Variants in FBXW10 observed in about 807,000 individuals in gnomAD.
The protein encoded by FBXW10 is F-box/WD repeat-containing protein 10.
Under a neutral mutation model 113.1 loss-of-function variants are expected in FBXW10, and 68 were observed. The ratio of observed to expected loss-of-function variants is 0.60; its 90% CI spans 0.49 to 0.74. FBXW10 has a LOEUF of 0.74. Among genes scored for constraint, FBXW10 ranks in the 30% least tolerant of loss-of-function variants. The pLI, the probability that FBXW10 is intolerant of heterozygous loss-of-function variation, is 0.00. For missense variants in FBXW10, 753 were observed against 1,284.5 expected (o/e 0.59, Z 6.32); for synonymous variants, 289 against 481.6 (o/e 0.60, Z 5.24).
rs9895749 is a variant in FBXW10, at chr17:18,749,757, G to A, written c.706G>A (p.Glu236Lys). 0.38 allele frequency: 615,227 copies of A among 1,606,548 alleles called. 81,113 individuals are homozygous for A. The highest frequency in any genetic ancestry group is 0.4 in the Non-Finnish European group (474,508 of 1,175,956). ...GAGGAATTCACTCCGGTGTATATCC[G>A]AAATGAATAGGCTGTTTTCTGGAAA... ...PWRNSLRCISEMNRLFSGKGD... is the reference protein window; with the variant it reads ...PWRNSLRCISKMNRLFSGKGD... The change falls in exon 3 of 14, where the codon GAA becomes AAA. Residue 236 changes from glutamate (E) to lysine (K), a missense_variant. By Grantham distance (56) the Glu-to-Lys change is moderately conservative (BLOSUM62 1). Transcript: ENST00000395665.
chr17:18,761,545 A>G (rs565784384), intron 7 of FBXW10, among the ~76,000 whole-genome samples: 117 of 152,276 alleles, frequency 7.7e-4, no homozygotes, highest in Non-Finnish European at 1.4e-3. Flanking sequence ...GATTACAGGC[A>G]TGAGCCACCG....
chr17:18,764,125 TA>T (rs2035439573), intron 7 of FBXW10, among the ~76,000 whole-genome samples: 1 of 145,024 alleles, frequency 6.9e-6, no homozygotes, highest in Non-Finnish European at 1.5e-5. Flanking sequence ...CCTATGGGGG[TA>T]GAAGTTACCC....
chr17:18,767,160 T>C (rs1460439908), intron 9 of FBXW10, among the ~76,000 whole-genome samples: 1 of 151,916 alleles, frequency 6.6e-6, no homozygotes, highest in Non-Finnish European at 1.5e-5. Flanking sequence ...GTGAAGTACC[T>C]TTTTCTCCTC....
At chr17:18,746,919 CTTTT>C (rs1166761219) in intron 1 of FBXW10, among the ~76,000 whole-genome samples, 1 of 129,140 alleles carries the variant, frequency 7.7e-6, no homozygotes, top group Non-Finnish European at 1.7e-5. Context: ...TGGCAACCTT[CTTTT>C]TTTTTTTTTT....
intron 2 of FBXW10, among the ~76,000 whole-genome samples, chr17:18,748,676 A>G (rs1689973340): frequency 6.6e-6 from 1 of 152,170 alleles, no homozygotes; most frequent in South Asian, 2.1e-4. Flanking sequence ...TGCAGTGCCC[A>G]CAAGACACAT....
intron 11 of FBXW10, among the ~76,000 whole-genome samples, chr17:18,771,105 TA>T (rs370339129): frequency 4.4e-4 from 61 of 138,790 alleles, no homozygotes; most frequent in Admixed American, 4.4e-4. Flanking sequence ...GTCATGCTGC[TA>T]AAAAAAAAAA....
In FBXW10 at chr17:18,768,557, C is replaced by T. The variant is rs577202082; in HGVS notation, c.1728C>T (p.Ala576=). Residue 576 remains alanine (A), a synonymous_variant, in exon 10 of 14, where the codon GCC becomes GCT. Transcript: ENST00000395665. ...LVKTLSGHEG[A]VKCLFFDQWH... ...AGACTCTCAGTGGCCATGAGGGAGC[C>T]GTGAAATGCCTGTTCTTTGACCAGT... The T allele has an allele frequency of 1.8e-5, 29 of 1,614,040 alleles. No individual in the cohort carries two copies. In the East Asian group the frequency reaches 2.7e-4, roughly 15 times the overall value.
chr17:18,749,374 T>A (rs2035108900), intron 2 of FBXW10, among the ~76,000 whole-genome samples: 1 of 147,764 alleles, frequency 6.8e-6, no homozygotes, highest in Non-Finnish European at 1.5e-5. Context: ...CCGCCTCTAC[T>A]AAAAAAAAAA....
chr17:18,763,714 C>A (rs2035432194), intron 7 of FBXW10, among the ~76,000 whole-genome samples: 2 of 152,200 alleles, frequency 1.3e-5, no homozygotes, highest in African/African-American at 4.8e-5. Context: ...TCTTTGCTCC[C>A]ATCTATCTCT....
Position 18,766,856 on chromosome 17 carries a change from G to C in FBXW10, c.1698G>C (p.Leu566Phe), listed in dbSNP as rs368262323. The change falls in exon 9 of 14, where the codon TTG (leucine) becomes TTC (phenylalanine). Residue 566 changes from leucine (L) to phenylalanine (F), a missense_variant. By Grantham distance (22) the Leu-to-Phe change is conservative. Coordinates refer to ENST00000395665, the MANE Select transcript of FBXW10 (RefSeq NM_001267585.2). ...TGTGGCACATTGCCATGGCCCAGTT[G>C]GTAAAGGTAAGTGGGCAGTGGGCTA... ...VKVWHIAMAQ[L>F]VKTLSGHEGA... 6.6e-5 allele frequency: 105 copies of C among 1,594,554 alleles called. No individual in the cohort carries two copies. The highest frequency in any genetic ancestry group is 1.3e-5 in the African/African-American group (1 of 74,650).
At chr17:18,777,635 C>T (rs2035727129) in intron 13 of FBXW10, among the ~76,000 whole-genome samples, 1 of 151,674 alleles carries the variant, frequency 6.6e-6, no homozygotes, top group Admixed American at 6.6e-5. Flanking sequence ...GCTCTGCCTC[C>T]TGGGTTCATG....
intron 13 of FBXW10, among the ~76,000 whole-genome samples, chr17:18,776,854 T>C (rs2035708476): frequency 6.6e-6 from 1 of 152,102 alleles, no homozygotes. Flanking sequence ...AAATCTATTG[T>C]ATGGAATATT....
intron 1 of FBXW10, among the ~76,000 whole-genome samples, chr17:18,746,909 T>C: frequency 6.6e-6 from 1 of 150,514 alleles, no homozygotes; most frequent in Non-Finnish European, 1.5e-5. Context: ...TTACAGGTTG[T>C]GGCAACCTTC....
intron 13 of FBXW10, among the ~76,000 whole-genome samples, chr17:18,776,578 A>G (rs1049382250): frequency 2.4e-4 from 36 of 152,350 alleles, no homozygotes; most frequent in African/African-American, 7.9e-4. Flanking sequence ...CCTGAAGGGT[A>G]AAGTCCTACG....
intron 4 of FBXW10, among the ~76,000 whole-genome samples, 187 bp downstream of exon 4, chr17:18,750,324 T>C (rs1345610732): frequency 6.6e-6 from 1 of 152,158 alleles, no homozygotes; most frequent in Non-Finnish European, 1.5e-5. Context: ...ACTCTTTCAT[T>C]GTCAGTGCAT....
chr17:18,767,068 C>T (rs1024203575), intron 9 of FBXW10, among the ~76,000 whole-genome samples: 10 of 152,158 alleles, frequency 6.6e-5, no homozygotes, highest in South Asian at 2.1e-4. Flanking sequence ...TCATGACCCA[C>T]GGTATCATGG....
At chr17:18,768,345 C>T (rs1276253404) in intron 9 of FBXW10, among the ~76,000 whole-genome samples, 189 bp from the exon 10 acceptor site, 1 of 152,160 alleles carries the variant, frequency 6.6e-6, no homozygotes, top group African/African-American at 2.4e-5. Flanking sequence ...GGATTACAGG[C>T]ATGAGCCACC....
intron 13 of FBXW10, among the ~76,000 whole-genome samples, chr17:18,776,212 C>G (rs1049331294): frequency 6.6e-6 from 1 of 151,648 alleles, no homozygotes; most frequent in Non-Finnish European, 1.5e-5. Context: ...TCCCAGCTAC[C>G]TGGGAGGCTG....
chr17:18,773,968 A>T (rs969229210), intron 12 of FBXW10, among the ~76,000 whole-genome samples: 2 of 152,216 alleles, frequency 1.3e-5, no homozygotes, highest in Non-Finnish European at 2.9e-5. Flanking sequence ...TGCTGAACAG[A>T]ATTCAGTTTT....
Sources: gnomAD v4.1 joint callset for allele counts (sites outside exome capture counted in the v4.1 genomes callset) on GRCh38, gnomAD v4.1.1 for gene constraint, MANE v1.5 for transcripts, NCBI Gene and HGNC (gene_info 2026-07-23, HGNC 2026-07-21) for gene names.